NOL4L: variants seen among roughly 807,000 people sequenced by gnomAD.
NOL4L encodes the protein nucleolar protein 4 like.
In NOL4L, 7 loss-of-function variants were observed where a neutral mutation model predicts 64.5. The ratio of observed to expected loss-of-function variants is 0.11; its 90% CI spans 0.06 to 0.20. NOL4L has a LOEUF of 0.20. Among genes scored for constraint, NOL4L ranks in the 10% least tolerant of loss-of-function variants. The pLI is 1.00. For synonymous variants in NOL4L, 413 were observed against 401.0 expected (o/e 1.03, Z -0.36); for missense variants, 680 against 967.1 (o/e 0.70, Z 3.94).
At chr20:32,475,703 G>T (rs1255090496) in intron 4 of NOL4L, among the ~76,000 whole-genome samples, 1 of 152,106 alleles carries the variant, frequency 6.6e-6, no homozygotes, top group Non-Finnish European at 1.5e-5. Context: ...CCTCCCCCCA[G>T]CAAGACACAA....
chr20:32,457,089 G>A (rs911634721), intron 5 of NOL4L, among the ~76,000 whole-genome samples: 3 of 152,242 alleles, frequency 2.0e-5, no homozygotes, highest in African/African-American at 7.2e-5. Flanking sequence ...GGCCTGCCCG[G>A]CGTCTCAGGG....
At chr20:32,556,749 C>G (rs576068940) in intron 1 of NOL4L, among the ~76,000 whole-genome samples, 11 of 152,270 alleles carry the variant, frequency 7.2e-5, no homozygotes, top group African/African-American at 2.6e-4. Context: ...GGGTCTGAGC[C>G]GAGGTGGGCC....
In NOL4L at chr20:32,488,747, T is replaced by TTTCCTTCCTTCC. The variant is rs1206813375; in HGVS notation, c.700-14017_700-14006dup. ...TTCTTTCTTTCTTTTCTTTCTTTCTTTTCCTTCCTTCCTTCCTTCCTTCCT... is the reference window on the plus strand; with the variant it reads ...TTCTTTCTTTCTTTTCTTTCTTTCTTTTCCTTCCTTCCTTCCTTCCTTCCTTCCTTCCTTCCT... On this transcript the variant is annotated intron_variant, in intron 4 of 10. Transcript: ENST00000621426. Among the ~76,000 whole-genome samples, 34 of 106,904 alleles carry TTTCCTTCCTTCC rather than the reference T, an allele frequency of 3.2e-4. 1 individual carries two copies. Among genetic ancestry groups the TTTCCTTCCTTCC allele is most frequent in the East Asian group, 1.4e-3 (5 of 3,556 alleles). The allele number at this position is 106,904 out of a possible 152,430, so 70.1% of individuals were successfully genotyped here. A position where few individuals can be genotyped will look rare whatever the true frequency, so the allele number is the denominator to read the frequency against.
At chr20:32,546,245 T>A (rs544282304) in intron 1 of NOL4L, among the ~76,000 whole-genome samples, 3 of 150,464 alleles carry the variant, frequency 2.0e-5, no homozygotes, top group Non-Finnish European at 1.5e-5. Context: ...TGCGCCCAGC[T>A]TTTTTTTCCT....
At chr20:32,487,077 T>C (rs1160374125) in intron 4 of NOL4L, among the ~76,000 whole-genome samples, 1 of 152,126 alleles carries the variant, frequency 6.6e-6, no homozygotes. Flanking sequence ...GAGACCAGCC[T>C]GGCCAACATG....
intron 4 of NOL4L, among the ~76,000 whole-genome samples, chr20:32,498,010 C>T (rs1422377655): frequency 6.6e-6 from 1 of 152,214 alleles, no homozygotes; most frequent in African/African-American, 2.4e-5. Flanking sequence ...TTTTTTCCCC[C>T]AGATAATAAA....
intron 1 of NOL4L, among the ~76,000 whole-genome samples, chr20:32,582,657 GCT>G (rs1980553939): frequency 7.4e-6 from 1 of 134,668 alleles, no homozygotes; most frequent in African/African-American, 2.7e-5. Context: ...TTGGGCCAAG[GCT>G]TCCAGCTCTT....
At chr20:32,462,919 A>AAAAAAAAAAAAAAAAC (rs1303278206) in intron 5 of NOL4L, among the ~76,000 whole-genome samples, 1 of 150,854 alleles carries the variant, frequency 6.6e-6, no homozygotes, top group Admixed American at 6.6e-5. Context: ...AAAAAAAAAA[A>AAAAAAAAAAAAAAAAC]AAAACTGATT....
chr20:32,455,012 TA>T (rs2013342339), intron 6 of NOL4L, among the ~76,000 whole-genome samples: 2 of 152,170 alleles, frequency 1.3e-5, no homozygotes, highest in African/African-American at 4.8e-5. Flanking sequence ...CAGACTTGGA[TA>T]GGGGCAGGAT....
At chr20:32,495,928 A>G (rs1159483532) in intron 4 of NOL4L, among the ~76,000 whole-genome samples, 1 of 152,098 alleles carries the variant, frequency 6.6e-6, no homozygotes, top group Non-Finnish European at 1.5e-5. Context: ...CTGCACCCCA[A>G]TAAAAGAAGT....
intron 4 of NOL4L, among the ~76,000 whole-genome samples, chr20:32,488,610 G>C (rs184073105): frequency 1.1e-4 from 17 of 152,266 alleles, no homozygotes; most frequent in African/African-American, 4.1e-4. Context: ...TTTTATCTCT[G>C]TCAATCTGAG....
chr20:32,450,890 C>T (rs912445585), intron 10 of NOL4L, among the ~76,000 whole-genome samples: 2 of 152,266 alleles, frequency 1.3e-5, no homozygotes, highest in East Asian at 3.9e-4. Flanking sequence ...TAGGGCCAGG[C>T]GGCCTCTTAT....
chr20:32,536,800 G>T lies in NOL4L; in HGVS notation c.322-8887C>A, dbSNP rs1418940604. 2.5e-4 allele frequency among the ~76,000 whole-genome samples: 4 copies of T among 16,138 alleles called. 1 individual carries two copies. In the South Asian group the frequency reaches 9.6e-3, roughly 39 times the overall value. 10.6% of individuals were successfully genotyped at this position (16,138 alleles called of 152,430 possible). On this transcript the variant is annotated intron_variant, in intron 1 of 10. Transcript: ENST00000621426. ...CCGCGGCTGCAGCCCGGCTGGGAGT[G>T]GGGGGGGGGGGGCGCACCAACGGGG...
chr20:32,465,205 A>T, intron 5 of NOL4L: 1 of 454,888 alleles, frequency 2.2e-6, no homozygotes. Flanking sequence ...GTAACTCATC[A>T]TGCCTGATTT....
intron 4 of NOL4L, among the ~76,000 whole-genome samples, chr20:32,503,421 T>A (rs1034145275): frequency 1.2e-4 from 18 of 152,014 alleles, no homozygotes; most frequent in African/African-American, 4.3e-4. Context: ...GTTGGTGGGA[T>A]GGGTAGAAGC....
rs1234380507 is a variant in NOL4L, at chr20:32,460,287, C to T, written c.842-3892G>A. Among the ~76,000 whole-genome samples the T allele has an allele frequency of 3.3e-5, 5 of 152,168 alleles. No individual in the cohort carries two copies. Among genetic ancestry groups the T allele is most frequent in the African/African-American group, 4.8e-5 (2 of 41,422 alleles). ...CTGCCATTATCTCATTTTCTCATGC[C>T]GCACACACAGAGCCTACTCAGAGGG... On this transcript the variant is annotated intron_variant, in intron 5 of 10. Transcript: ENST00000621426. This position sits in a 1 kb window ranked among gnomAD's most constrained non-coding sequence, Gnocchi z 5.7.
intron 1 of NOL4L, among the ~76,000 whole-genome samples, chr20:32,567,758 T>C (rs1206117162): frequency 1.3e-5 from 2 of 152,124 alleles, no homozygotes; most frequent in African/African-American, 4.8e-5. Context: ...ACAGAGCACT[T>C]AGAACAGACT....
At chr20:32,481,656 C>G (rs1431139309) in intron 4 of NOL4L, among the ~76,000 whole-genome samples, 1 of 152,210 alleles carries the variant, frequency 6.6e-6, no homozygotes, top group Non-Finnish European at 1.5e-5. Flanking sequence ...TAAAACCCTG[C>G]TCTATAAAGC....
intron 1 of NOL4L, among the ~76,000 whole-genome samples, chr20:32,530,424 C>T (rs2018302366): frequency 6.6e-6 from 1 of 152,038 alleles, no homozygotes; most frequent in Non-Finnish European, 1.5e-5. Flanking sequence ...GCCTGTAGTC[C>T]CGGCTACTCG....
Sources: allele counts gnomAD v4.1 joint callset (sites outside exome capture counted in the v4.1 genomes callset), GRCh38; gene constraint gnomAD v4.1.1; non-coding constraint Gnocchi (gnomAD v3.1); transcripts MANE v1.5; gene names NCBI Gene and HGNC (gene_info 2026-07-23, HGNC 2026-07-21).